The following ADAM18 variants were observed in gnomAD, a reference collection of about 807,000 sequenced individuals.
ADAM18 encodes disintegrin and metalloproteinase domain-containing protein 18.
Under a neutral mutation model 94.4 loss-of-function variants are expected in ADAM18, and 117 were observed. The ratio of observed to expected loss-of-function variants is 1.24; its 90% CI spans 1.07 to 1.45. The LOEUF (loss-of-function observed/expected upper bound fraction) is 1.45, where lower values mean the gene tolerates loss of function less well. ADAM18 is among the 40% of genes most tolerant of loss of function. The pLI, the probability that ADAM18 is intolerant of heterozygous loss-of-function variation, is 0.00. For missense variants in ADAM18, 936 were observed against 880.0 expected (o/e 1.06, Z -0.81); for synonymous variants, 327 against 291.6 (o/e 1.12, Z -1.24).
chr8:39,697,646 T>G (rs1821963084), intron 17 of ADAM18, among the ~76,000 whole-genome samples: 1 of 151,790 alleles, frequency 6.6e-6, no homozygotes, highest in South Asian at 2.1e-4. Context: ...CTTTCTATAT[T>G]TCTGTGTTTA....
chr8:39,673,592 T>G (rs1249772632), intron 14 of ADAM18, among the ~76,000 whole-genome samples: 1 of 152,118 alleles, frequency 6.6e-6, no homozygotes, highest in Admixed American at 6.6e-5. Context: ...CTTGTGATAG[T>G]TGGCTGAGAA....
At chr8:39,715,897 C>T (rs1376290150) in intron 18 of ADAM18, among the ~76,000 whole-genome samples, 1 of 151,990 alleles carries the variant, frequency 6.6e-6, no homozygotes, top group African/African-American at 2.4e-5. Context: ...CTCTGCAATA[C>T]CTTTGAGGAA....
At chr8:39,692,745 A>G in intron 17 of ADAM18, 65 bp downstream of exon 17, 1 of 1,339,440 alleles carries the variant, frequency 7.5e-7, no homozygotes, top group East Asian at 2.4e-5. Flanking sequence ...ACATCTGTTT[A>G]TGAGGATTGA....
chr8:39,619,873 A>G (rs763964399), intron 6 of ADAM18, among the ~76,000 whole-genome samples: 1 of 152,152 alleles, frequency 6.6e-6, no homozygotes, highest in Non-Finnish European at 1.5e-5. Context: ...TCTTTACAGA[A>G]ATAGAAAAAA....
At chr8:39,627,477 T>C (rs938512558) in intron 6 of ADAM18, among the ~76,000 whole-genome samples, 1 of 152,162 alleles carries the variant, frequency 6.6e-6, no homozygotes, top group Non-Finnish European at 1.5e-5. Flanking sequence ...ATCAACATCC[T>C]TTTGTCTTTT....
chr8:39,705,110 T>A, intron 17 of ADAM18, among the ~76,000 whole-genome samples: 1 of 152,178 alleles, frequency 6.6e-6, no homozygotes, highest in Non-Finnish European at 1.5e-5. Context: ...TGTTCTACTA[T>A]ACAGTTGCTT....
At position 39,697,217 on chromosome 8, in the gene ADAM18, A is replaced by G. The variant is rs373179832; in HGVS notation, c.1902+4537A>G. On this transcript the variant is annotated intron_variant, in intron 17 of 19. Transcript: ENST00000265707. ...GCAGCTATTTATTGTATGTGTGTTG[A>G]TTTTGTATCCTGCAACTTTGTTAAT... Among the ~76,000 whole-genome samples the G allele has an allele frequency of 9.4e-4, 142 of 151,538 alleles. 3 individuals are homozygous for G. In the South Asian group the frequency reaches 0.022, roughly 24 times the overall value.
intron 14 of ADAM18, 97 bp downstream of exon 14, chr8:39,668,293 A>G: frequency 1.7e-6 from 2 of 1,148,212 alleles, no homozygotes; most frequent in Non-Finnish European, 2.5e-6. Flanking sequence ...AAGAAACTGA[A>G]CCACAAGATT....
At chr8:39,695,657 T>G (rs964409707) in intron 17 of ADAM18, among the ~76,000 whole-genome samples, 6 of 151,382 alleles carry the variant, frequency 4.0e-5, no homozygotes, top group Admixed American at 3.3e-4. Context: ...CTACTCTAGA[T>G]ACCTCATATA....
chr8:39,603,452 G>A (rs148156586), intron 2 of ADAM18, among the ~76,000 whole-genome samples: 12 of 152,230 alleles, frequency 7.9e-5, no homozygotes, highest in Middle Eastern at 3.4e-3. Context: ...GCATGTGCTC[G>A]TTTTGTATCT....
chr8:39,593,467 T>C (rs2129458095), intron 2 of ADAM18, among the ~76,000 whole-genome samples: 1 of 152,220 alleles, frequency 6.6e-6, no homozygotes, highest in South Asian at 2.1e-4. Flanking sequence ...GTTAGAGGCA[T>C]CATACTTCCT....
chr8:39,590,232 A>G (rs1479904612), intron 2 of ADAM18, among the ~76,000 whole-genome samples: 4 of 152,032 alleles, frequency 2.6e-5, no homozygotes, highest in Non-Finnish European at 5.9e-5. Flanking sequence ...TGGCACATAT[A>G]CACCATGGAA....
intron 2 of ADAM18, 85 bp downstream of exon 2, chr8:39,585,437 T>C (rs1361586929): frequency 3.2e-6 from 3 of 933,500 alleles, no homozygotes; most frequent in Non-Finnish European, 4.9e-6. Flanking sequence ...TCATACTAAT[T>C]TGTATTCATT....
At chr8:39,697,037 G>A (rs1821946651) in intron 17 of ADAM18, among the ~76,000 whole-genome samples, 2 of 151,418 alleles carry the variant, frequency 1.3e-5, no homozygotes, top group East Asian at 1.9e-4. Context: ...TTTAACTTCA[G>A]CAATGGTTTG....
At position 39,668,154 on chromosome 8, in the gene ADAM18, T is replaced by C; in HGVS notation, c.1483T>C (p.Cys495Arg). The change falls in exon 14 of 20, where the codon TGT becomes CGT. Residue 495 changes from cysteine to arginine, a missense_variant. By Grantham distance (180) the Cys-to-Arg change is radical. Coordinates refer to ENST00000265707, the MANE Select transcript of ADAM18 (RefSeq NM_014237.3). Reference sequence around the variant, plus strand: ...AACTGCCTATTGCTATAACGGACAATGTCAAACTACTGATAACCAGTGTGC... The same window carrying C: ...AACTGCCTATTGCTATAACGGACAACGTCAAACTACTGATAACCAGTGTGC... ...LGTAYCYNGQCQTTDNQCAKI... is the reference protein window; with the variant it reads ...LGTAYCYNGQRQTTDNQCAKI... 1 of 1,614,114 alleles carries C rather than the reference T, an allele frequency of 6.2e-7. No homozygotes were observed. The highest frequency in any genetic ancestry group is 8.5e-7 in the Non-Finnish European group (1 of 1,179,998).
At chr8:39,618,807 G>A (rs1819522486) in intron 6 of ADAM18, among the ~76,000 whole-genome samples, 3 of 152,156 alleles carry the variant, frequency 2.0e-5, no homozygotes, top group Admixed American at 2.0e-4. Flanking sequence ...TCTGGGATAG[G>A]AATCTTGGTG....
chr8:39,712,036 C>CT lies in ADAM18; in HGVS notation c.2017+5132_2017+5133insT, dbSNP rs374927002. On this transcript the variant is annotated intron_variant, in intron 18 of 19. Coordinates refer to ENST00000265707, the MANE Select transcript of ADAM18 (RefSeq NM_014237.3). ...GGTCAACTAAAATCAGAGAAGGCCC[C>CT]CCCCCGAGAAAAAAACAGTGAAAGA... Among the ~76,000 whole-genome samples the CT allele has an allele frequency of 2.4e-3, 338 of 141,666 alleles. 6 individuals carry two copies. The highest frequency in any genetic ancestry group is 8.4e-3 in the African/African-American group (324 of 38,346). The allele number at this position is 141,666 out of a possible 152,430, so 92.9% of individuals were successfully genotyped here.
chr8:39,670,357 A>C (rs1821120988), intron 14 of ADAM18, among the ~76,000 whole-genome samples: 1 of 152,008 alleles, frequency 6.6e-6, no homozygotes, highest in South Asian at 2.1e-4. Flanking sequence ...TTCATCCCCT[A>C]ATTCATTCAT....
intron 19 of ADAM18, among the ~76,000 whole-genome samples, chr8:39,727,191 T>A (rs1257565359): frequency 6.6e-6 from 1 of 152,212 alleles, no homozygotes; most frequent in Non-Finnish European, 1.5e-5. Flanking sequence ...CAAAGGTCCC[T>A]GAAATGTATT....
Sources: gnomAD v4.1 joint callset for allele counts (sites outside exome capture counted in the v4.1 genomes callset) on GRCh38, gnomAD v4.1.1 for gene constraint, MANE v1.5 for transcripts, NCBI Gene and HGNC (gene_info 2026-07-23, HGNC 2026-07-21) for gene names.